PHF21B: variants seen among roughly 807,000 people sequenced by gnomAD.
PHF21B encodes the protein PHD finger protein 21B.
PHF21B carries 22 observed loss-of-function variants against 62.2 expected under a neutral mutation model. The ratio of observed to expected loss-of-function variants is 0.35; its 90% CI spans 0.25 to 0.51. The LOEUF (loss-of-function observed/expected upper bound fraction) is 0.51. PHF21B is among the 20% of genes least tolerant of loss of function. PHF21B has a pLI of 0.97. For synonymous variants in PHF21B, 341 were observed against 314.7 expected, an observed-to-expected ratio of 1.08 and a Z score of -0.88; for missense variants, 701 against 707.9, an observed-to-expected ratio of 0.99 and a Z score of 0.11.
chr22:44,889,433 C>T (rs1244498521), intron 9 of PHF21B, among the ~76,000 whole-genome samples: 2 of 152,194 alleles, frequency 1.3e-5, no homozygotes, highest in African/African-American at 4.8e-5. Flanking sequence ...GCCAGTAGAG[C>T]CAGGGTGGAG....
chr22:44,891,914 T>C lies in PHF21B; in HGVS notation c.961-554A>G, dbSNP rs546009374. ...TTCAAAGTGGCTTTGACTGCGGCTGTTGTAATACTGCGTGGCCAGATTTGA... is the reference window on the plus strand; with the variant it reads ...TTCAAAGTGGCTTTGACTGCGGCTGCTGTAATACTGCGTGGCCAGATTTGA... On this transcript the variant is annotated intron_variant, in intron 7 of 12. Coordinates refer to ENST00000313237, the MANE Select transcript of PHF21B (RefSeq NM_138415.5). Among the ~76,000 whole-genome samples the C allele has an allele frequency of 1.0e-3, 155 of 152,222 alleles. 1 individual carries two copies. In the South Asian group the frequency reaches 0.012, roughly 11 times the overall value.
At chr22:44,892,574 C>T (rs1463032781) in intron 7 of PHF21B, among the ~76,000 whole-genome samples, 2 of 152,250 alleles carry the variant, frequency 1.3e-5, no homozygotes, top group Non-Finnish European at 2.9e-5. Flanking sequence ...CTGGCATCTG[C>T]AACACACCAG....
intron 5 of PHF21B, among the ~76,000 whole-genome samples, chr22:44,911,310 T>A (rs766378672): frequency 6.6e-6 from 1 of 152,082 alleles, no homozygotes; most frequent in Non-Finnish European, 1.5e-5. Context: ...GAAATTTGCA[T>A]AAGTAACGAG....
chr22:44,946,604 A>G (rs1372492747), intron 2 of PHF21B, among the ~76,000 whole-genome samples: 1 of 151,978 alleles, frequency 6.6e-6, no homozygotes, highest in Admixed American at 6.6e-5. Flanking sequence ...AGATGGATGG[A>G]CAGTGGTTGT....
intron 2 of PHF21B, among the ~76,000 whole-genome samples, chr22:44,987,239 A>C (rs1036833862): frequency 3.9e-5 from 6 of 152,124 alleles, no homozygotes; most frequent in Non-Finnish European, 8.8e-5. Context: ...CAGAGGTAGG[A>C]AAAAATAATG....
At chr22:44,929,583 T>G (rs1265498862) in intron 2 of PHF21B, among the ~76,000 whole-genome samples, 2 of 152,200 alleles carry the variant, frequency 1.3e-5, no homozygotes, top group Non-Finnish European at 2.9e-5. Flanking sequence ...ATTTGACTTC[T>G]GGACTGGCGC....
intron 2 of PHF21B, among the ~76,000 whole-genome samples, chr22:44,925,152 G>A (rs1232993868): frequency 6.6e-6 from 1 of 152,210 alleles, no homozygotes; most frequent in Admixed American, 6.5e-5. Context: ...GTGCAGGGAC[G>A]AGAGGAAGGG....
In PHF21B at chr22:45,007,129, A is replaced by AG. The variant is rs551154846; in HGVS notation, c.120+1415dup. 3.8e-3 allele frequency among the ~76,000 whole-genome samples: 576 copies of AG among 150,310 alleles called. 9 individuals are homozygous for AG. The highest frequency in any genetic ancestry group is 0.014 in the African/African-American group (552 of 40,680). ...GGGGGGGCCGCGGCACCAACTGAAA[A>AG]GGGTTAGCGCATTTGTCCCAAGCCT... On this transcript the variant is annotated intron_variant, in intron 2 of 12. Coordinates refer to ENST00000313237, the MANE Select transcript of PHF21B (RefSeq NM_138415.5).
At chr22:44,962,660 T>C (rs1370726428) in intron 2 of PHF21B, among the ~76,000 whole-genome samples, 4 of 152,326 alleles carry the variant, frequency 2.6e-5, no homozygotes, top group Admixed American at 2.0e-4. Context: ...TGTATTTCTC[T>C]GGGGAACTCT....
In PHF21B at chr22:44,893,560, CTGGGTCCTGCCTGCCCTGGGAACCCCAAA is replaced by C. The variant is rs1392137320; in HGVS notation, c.884-56_884-28del. The C allele has an allele frequency of 2.5e-6, 4 of 1,576,586 alleles. No individual in the cohort carries two copies. In the African/African-American group the frequency reaches 4.0e-5, roughly 16 times the overall value. On this transcript the variant is annotated intron_variant, in intron 6 of 12. Transcript: ENST00000313237. The stretch of plus-strand genomic sequence containing the variant: ...TGGAAAGGCACAGACACAGCAGTTA[CTGGGTCCTGCCTGCCCTGGGAACCCCAAA>C]TGCTTCCTTGCCAAGCCCTGGGCAC...
At chr22:44,915,717 C>G (rs749289175) in intron 4 of PHF21B, among the ~76,000 whole-genome samples, 1 of 152,192 alleles carries the variant, frequency 6.6e-6, no homozygotes, top group Admixed American at 6.5e-5. Context: ...GAGAAAGAGG[C>G]CACAGACAGG....
In PHF21B at chr22:44,881,882, C is replaced by T. The variant is rs1029927501; in HGVS notation, c.*1204G>A. 1 of 117,218 alleles carries T rather than the reference C, an allele frequency of 8.5e-6. No individual in the cohort carries two copies. Among genetic ancestry groups the T allele is most frequent in the Admixed American group, 9.4e-5 (1 of 10,606 alleles). 7.3% of individuals were successfully genotyped at this position (117,218 alleles called of 1,614,324 possible). ...AGAAGCCCTTGGCAGCAAGTCTGGT[C>T]CCCGAAGGCCGGAACCTCCCGAGCC... On this transcript the variant is annotated 3_prime_UTR_variant, in exon 13 of 13. Coordinates refer to ENST00000313237, the MANE Select transcript of PHF21B (RefSeq NM_138415.5).
intron 2 of PHF21B, among the ~76,000 whole-genome samples, chr22:44,964,913 G>C (rs1004488597): frequency 6.6e-6 from 1 of 152,152 alleles, no homozygotes; most frequent in South Asian, 2.1e-4. Context: ...TGTGAGGCCG[G>C]GCAGCACCTT....
rs143258763 is a variant in PHF21B at position 44,958,251 on chromosome 22, G to A, written c.121-37761C>T. On this transcript the variant is annotated intron_variant, in intron 2 of 12. Transcript: ENST00000313237. ...ACGACTCTGCTGGCTTCTGGCATCC[G>A]GGCCTGCTGCCTCCCTGACTCTCTC... is the stretch of plus-strand genomic sequence containing the variant. Among the ~76,000 whole-genome samples, 1,304 of 151,882 alleles carry A rather than the reference G, an allele frequency of 8.6e-3. 64 individuals carry two copies. The highest frequency in any genetic ancestry group is 0.074 in the Admixed American group (1,123 of 15,260).
At position 44,896,940 on chromosome 22, in the gene PHF21B, G is replaced by A. The variant is rs1241439219; in HGVS notation, c.832-857C>T. 1.2e-4 allele frequency among the ~76,000 whole-genome samples: 17 copies of A among 141,360 alleles called. No homozygotes were observed. In the East Asian group the frequency reaches 4.1e-3, roughly 34 times the overall value. 92.7% of individuals were successfully genotyped at this position (141,360 alleles called of 152,430 possible). ...GTCACCCAGACTGGAGTGCACTGGA[G>A]TAATCACAGCTCACTGCAGCTTCAA... On this transcript the variant is annotated intron_variant, in intron 5 of 12. Coordinates refer to ENST00000313237, the MANE Select transcript of PHF21B (RefSeq NM_138415.5).
intron 2 of PHF21B, chr22:44,967,118 G>A (rs1727617616): frequency 6.6e-6 from 1 of 152,320 alleles, no homozygotes; most frequent in Non-Finnish European, 1.5e-5. Flanking sequence ...CCCCTGAGGT[G>A]GGGGCTGGAT....
rs1463061316 is a variant in PHF21B, at chr22:44,920,446, G to A, written c.165C>T (p.Val55=). 1 of 1,613,284 alleles carries A rather than the reference G, an allele frequency of 6.2e-7. No individual in the cohort carries two copies. Among genetic ancestry groups the A allele is most frequent in the South Asian group, 1.1e-5 (1 of 90,878 alleles). Residue 55 remains valine, a synonymous_variant, in exon 3 of 13, where the codon GTC becomes GTT. Transcript: ENST00000313237. ...ITAVPVTGPQ[V]SSLQRLAGQG... Reference sequence around the variant, plus strand: ...GCCCGGCCAACCTCTGCAAGGAGCTGACCTGAGGACCCGTGACAGGCACTG... The same window carrying A: ...GCCCGGCCAACCTCTGCAAGGAGCTAACCTGAGGACCCGTGACAGGCACTG...
intron 12 of PHF21B, among the ~76,000 whole-genome samples, chr22:44,884,185 CCACCAT>C (rs2070797790): frequency 6.7e-5 from 10 of 149,598 alleles, no homozygotes; most frequent in Non-Finnish European, 7.4e-5. Flanking sequence ...ACCATCATTA[CCACCAT>C]CACCACCACG....
At chr22:44,986,146 A>C (rs1343479905) in intron 2 of PHF21B, among the ~76,000 whole-genome samples, 2 of 116,612 alleles carry the variant, frequency 1.7e-5, no homozygotes, top group South Asian at 2.8e-4. Context: ...AGCACCACCA[A>C]CACCATGAGC....
Sources: gnomAD v4.1 joint callset for allele counts (sites outside exome capture counted in the v4.1 genomes callset) on GRCh38, gnomAD v4.1.1 for gene constraint, MANE v1.5 for transcripts, NCBI Gene and HGNC (gene_info 2026-07-23, HGNC 2026-07-21) for gene names.